KCNIP4: variants seen among roughly 807,000 people sequenced by gnomAD.
The protein encoded by KCNIP4 is Kv channel-interacting protein 4.
In KCNIP4, 12 loss-of-function variants were observed where a neutral mutation model predicts 34.0. The ratio of observed to expected loss-of-function variants is 0.35; its 90% CI spans 0.23 to 0.57. The LOEUF is 0.57. Ranked by LOEUF, KCNIP4 falls within the 20% of genes least tolerant of loss-of-function variation. The probability of loss-of-function intolerance (pLI) is 0.83; values close to 1 mark genes in which losing one functional copy is unlikely to be tolerated. For synonymous variants in KCNIP4, 124 were observed against 102.2 expected, an observed-to-expected ratio of 1.21 and a Z score of -1.29; for missense variants, 238 against 311.7, an observed-to-expected ratio of 0.76 and a Z score of 1.78.
intron 1 of KCNIP4, among the ~76,000 whole-genome samples, chr4:21,346,269 A>AATATATATTAT (rs1359822203): frequency 9.2e-6 from 1 of 108,464 alleles, no homozygotes; most frequent in African/African-American, 3.5e-5. Flanking sequence ...CTATATATAT[A>AATATATATTAT]ATATATAATA....
intron 1 of KCNIP4, among the ~76,000 whole-genome samples, chr4:21,791,574 C>T (rs778083657): frequency 6.6e-6 from 1 of 152,042 alleles, no homozygotes; most frequent in Non-Finnish European, 1.5e-5. Flanking sequence ...AACACAACCG[C>T]GGGACTCACT....
intron 1 of KCNIP4, among the ~76,000 whole-genome samples, chr4:21,755,185 G>T (rs775379943): frequency 7.2e-5 from 11 of 152,118 alleles, no homozygotes; most frequent in Non-Finnish European, 1.2e-4. Flanking sequence ...AAGCTTTAGA[G>T]TCGAGCATGG....
At chr4:21,388,161 T>C (rs1317071935) in intron 1 of KCNIP4, among the ~76,000 whole-genome samples, 1 of 107,896 alleles carries the variant, frequency 9.3e-6, no homozygotes, top group Non-Finnish European at 2.1e-5. Context: ...TAGTGAATTA[T>C]CTATAGCTGA....
intron 1 of KCNIP4, among the ~76,000 whole-genome samples, chr4:21,802,604 T>A (rs949400075): frequency 2.4e-4 from 36 of 152,318 alleles, no homozygotes; most frequent in African/African-American, 8.4e-4. Context: ...GGACTGGCAT[T>A]CTCTACATTG....
At chr4:21,379,275 A>G (rs1721253599) in intron 1 of KCNIP4, among the ~76,000 whole-genome samples, 2 of 152,184 alleles carry the variant, frequency 1.3e-5, no homozygotes, top group African/African-American at 4.8e-5. Context: ...TCAAAATCCA[A>G]CTACTTCTCA....
chr4:21,361,990 C>T (rs1719277697), intron 1 of KCNIP4, among the ~76,000 whole-genome samples: 1 of 151,972 alleles, frequency 6.6e-6, no homozygotes. Context: ...TAGCAAAACC[C>T]CAAAGAAGTG....
chr4:21,415,105 CCCCACTA>C (rs1478078252), intron 1 of KCNIP4, among the ~76,000 whole-genome samples: 2 of 152,106 alleles, frequency 1.3e-5, no homozygotes, highest in African/African-American at 4.8e-5. Context: ...CCCCCCCAGT[CCCCACTA>C]CCCTTCCCAG....
At chr4:21,049,193 G>T (rs28678641) in intron 1 of KCNIP4, among the ~76,000 whole-genome samples, 1 of 151,346 alleles carries the variant, frequency 6.6e-6, no homozygotes, top group African/African-American at 2.4e-5. Flanking sequence ...CTCGTGATCC[G>T]CCCGCCTCGG....
chr4:20,960,919 G>C (rs1733787107), intron 1 of KCNIP4, among the ~76,000 whole-genome samples: 1 of 152,178 alleles, frequency 6.6e-6, no homozygotes, highest in Admixed American at 6.5e-5. Context: ...ATTGGAGACT[G>C]ATCATGAGTA....
chr4:21,022,204 T>A (rs1740137117), intron 1 of KCNIP4, among the ~76,000 whole-genome samples: 1 of 152,236 alleles, frequency 6.6e-6, no homozygotes, highest in South Asian at 2.1e-4. Flanking sequence ...TTTCAATTGC[T>A]GTTCCAATTT....
intron 6 of KCNIP4, among the ~76,000 whole-genome samples, chr4:20,733,896 C>T (rs6831516): frequency 0.32 from 49,272 of 151,966 alleles, 8,503 homozygotes; most frequent in African/African-American, 0.43. Flanking sequence ...GCACCTGTGT[C>T]TCTCCAGTAG....
At chr4:20,732,627 T>C in intron 7 of KCNIP4, 54 bp downstream of exon 7, 1 of 1,135,056 alleles carries the variant, frequency 8.8e-7, no homozygotes, top group Admixed American at 1.7e-5. Context: ...ATGGCAAACA[T>C]CAGGAAATTT....
chr4:20,767,837 T>C (rs2149374662), intron 3 of KCNIP4, among the ~76,000 whole-genome samples: 1 of 152,212 alleles, frequency 6.6e-6, no homozygotes, highest in East Asian at 1.9e-4. Flanking sequence ...AAAAAAAAAC[T>C]AAAAGTGCTT....
chr4:21,206,408 T>C (rs1414830160), intron 1 of KCNIP4, among the ~76,000 whole-genome samples: 1 of 152,190 alleles, frequency 6.6e-6, no homozygotes, highest in Non-Finnish European at 1.5e-5. Context: ...TTGTTTCTAA[T>C]AGTTGAAAAT....
At chr4:21,703,083 T>C (rs1712988597) in intron 1 of KCNIP4, among the ~76,000 whole-genome samples, 1 of 150,872 alleles carries the variant, frequency 6.6e-6, no homozygotes, top group South Asian at 2.1e-4. Flanking sequence ...ATCCAAGAAA[T>C]AGGAATAGAC....
intron 1 of KCNIP4, among the ~76,000 whole-genome samples, chr4:21,037,326 C>T (rs1169386955): frequency 2.0e-5 from 3 of 152,232 alleles, no homozygotes; most frequent in African/African-American, 7.2e-5. Flanking sequence ...CCCAAAACAA[C>T]TTCCAGTCCT....
At chr4:20,984,060 C>T (rs1577484432) in intron 1 of KCNIP4, 3 of 1,382,082 alleles carry the variant, frequency 2.2e-6, no homozygotes, top group East Asian at 2.5e-5. Context: ...GCAGATGCAC[C>T]CTGCAAAGCC....
At chr4:21,181,018 G>T (rs1754798802) in intron 1 of KCNIP4, among the ~76,000 whole-genome samples, 1 of 152,080 alleles carries the variant, frequency 6.6e-6, no homozygotes, top group Non-Finnish European at 1.5e-5. Flanking sequence ...GCTAACTTTA[G>T]TATATGTTAG....
chr4:21,069,025 C>T (rs1279750105), intron 1 of KCNIP4, among the ~76,000 whole-genome samples: 1 of 152,078 alleles, frequency 6.6e-6, no homozygotes, highest in African/African-American at 2.4e-5. Flanking sequence ...TGAGATTGTA[C>T]ATCTAAAAAA....
Sources: allele counts gnomAD v4.1 joint callset (sites outside exome capture counted in the v4.1 genomes callset), GRCh38; gene constraint gnomAD v4.1.1; transcripts MANE v1.5; gene names NCBI Gene and HGNC (gene_info 2026-07-23, HGNC 2026-07-21).